TENM3: variants seen among roughly 807,000 people sequenced by gnomAD.
The protein encoded by TENM3 is teneurin-3.
Under a neutral mutation model 255.1 loss-of-function variants are expected in TENM3, and 63 were observed. That is an observed-to-expected ratio of 0.25 (90% CI 0.20 to 0.30). TENM3 has a LOEUF of 0.30. TENM3 is among the 10% of genes least tolerant of loss of function. TENM3 has a pLI of 1.00. For missense variants in TENM3, 2,929 were observed against 3,461.1 expected (o/e 0.85, Z 3.86); for synonymous variants, 1,306 against 1,322.3 (o/e 0.99, Z 0.27).
chr4:181,507,550 T>A, the TENM3 span, among the ~76,000 whole-genome samples: 4 of 152,264 alleles, frequency 2.6e-5, no homozygotes, highest in African/African-American at 9.6e-5. Context: ...TGACACCAAG[T>A]CATTTTTTAT....
intron 26 of TENM3, among the ~76,000 whole-genome samples, chr4:182,796,222 C>G (rs559097591): frequency 6.6e-5 from 10 of 152,350 alleles, no homozygotes; most frequent in African/African-American, 1.7e-4. Flanking sequence ...CTTGGGCAAT[C>G]GCTTTGGAGA....
At chr4:182,387,432 G>A (rs1200764672) in intron 3 of TENM3, among the ~76,000 whole-genome samples, 1 of 152,154 alleles carries the variant, frequency 6.6e-6, no homozygotes, top group East Asian at 1.9e-4. Context: ...TCAGCGCCCT[G>A]ACAAAATAGG....
chr4:182,287,309 C>A (rs1386028139), intron 1 of TENM3, among the ~76,000 whole-genome samples: 1 of 152,256 alleles, frequency 6.6e-6, no homozygotes, highest in Non-Finnish European at 1.5e-5. Flanking sequence ...CTCCATCACA[C>A]TCCACTTTCA....
rs149726519 is a variant in TENM3, at chr4:182,316,311, G to A, written c.-75-7635G>A. On this transcript the variant is annotated intron_variant, in intron 1 of 27. Transcript: ENST00000511685. The stretch of plus-strand genomic sequence containing the variant: ...TTTAGTTTACTGCTAATTATTCCCC[G>A]CAACTGAAGCAAGAACTTTCTGAGT... 5.8e-3 allele frequency among the ~76,000 whole-genome samples: 881 copies of A among 152,114 alleles called. 4 individuals carry two copies. The highest frequency in any genetic ancestry group is 9.6e-3 in the Non-Finnish European group (650 of 67,990).
chr4:181,550,493 A>C, the TENM3 span, among the ~76,000 whole-genome samples: 1 of 152,204 alleles, frequency 6.6e-6, no homozygotes, highest in Non-Finnish European at 1.5e-5. Flanking sequence ...GTATGAATTG[A>C]TGGTGGTCAA....
At position 182,694,786 on chromosome 4, in the gene TENM3, G is replaced by A. The variant is rs1757269311; in HGVS notation, c.2221+6435G>A. On this transcript the variant is annotated intron_variant, in intron 12 of 27. Transcript: ENST00000511685. ...AATTGAGAATGAAATGCACACAGCT[G>A]GGGAGGTATTTCGGAAACAAGATGG... 2.0e-5 allele frequency among the ~76,000 whole-genome samples: 3 copies of A among 152,294 alleles called. 1 individual carries two copies. In the South Asian group the frequency reaches 6.2e-4, roughly 32 times the overall value.
chr4:182,459,059 G>T (rs772731602), intron 3 of TENM3, among the ~76,000 whole-genome samples: 1 of 152,052 alleles, frequency 6.6e-6, no homozygotes, highest in Non-Finnish European at 1.5e-5. Flanking sequence ...GATAAAAATA[G>T]TTCTTGTTAT....
At chr4:181,557,912 G>A in the TENM3 span, among the ~76,000 whole-genome samples, 3 of 152,208 alleles carry the variant, frequency 2.0e-5, no homozygotes, top group Non-Finnish European at 2.9e-5. Flanking sequence ...AGGTAAAGAC[G>A]TTGTAGGAGA....
the TENM3 span, among the ~76,000 whole-genome samples, chr4:181,505,034 G>A: frequency 0.059 from 9,017 of 152,210 alleles, 408 homozygotes; most frequent in Non-Finnish European, 0.089. Flanking sequence ...CCAGGTGTGG[G>A]CCGGGCAGAT....
At chr4:181,467,331 C>T in the TENM3 span, among the ~76,000 whole-genome samples, 104,104 of 148,354 alleles carry the variant, frequency 0.7, 36,883 homozygotes, top group Non-Finnish European at 0.74. Flanking sequence ...GACGGGGTTT[C>T]GCCATGTTGC....
chr4:182,698,757 C>G (rs1757625909), intron 12 of TENM3, among the ~76,000 whole-genome samples: 1 of 152,224 alleles, frequency 6.6e-6, no homozygotes, highest in Admixed American at 6.5e-5. Context: ...AAAAGACAGG[C>G]AGCAGCATAG....
the TENM3 span, among the ~76,000 whole-genome samples, chr4:181,957,417 T>A: frequency 6.6e-6 from 1 of 152,144 alleles, no homozygotes; most frequent in Non-Finnish European, 1.5e-5. Context: ...CAAATCCCAG[T>A]GAAACGTGCA....
the TENM3 span, among the ~76,000 whole-genome samples, chr4:181,885,393 G>T: frequency 6.6e-6 from 1 of 152,142 alleles, no homozygotes; most frequent in Non-Finnish European, 1.5e-5. Flanking sequence ...CTCCCGAGTA[G>T]CTGGGATTGC....
chr4:181,741,176 T>C, the TENM3 span, among the ~76,000 whole-genome samples: 26 of 152,336 alleles, frequency 1.7e-4, no homozygotes, highest in African/African-American at 5.5e-4. Flanking sequence ...CACTGAAATA[T>C]CAATAATAAC....
the TENM3 span, among the ~76,000 whole-genome samples, chr4:181,615,511 T>C: frequency 0.025 from 3,812 of 152,232 alleles, 63 homozygotes; most frequent in Admixed American, 0.06. Flanking sequence ...CCATTTTTAT[T>C]AAGTATTTTC....
At chr4:182,010,764 A>C in the TENM3 span, among the ~76,000 whole-genome samples, 106,947 of 152,070 alleles carry the variant, frequency 0.7, 38,261 homozygotes, top group Non-Finnish European at 0.77. Context: ...TTAAAAACAA[A>C]AATAAAACCT....
the TENM3 span, among the ~76,000 whole-genome samples, chr4:182,114,699 C>G: frequency 6.6e-6 from 1 of 152,078 alleles, no homozygotes. Flanking sequence ...CAGGTGGGTA[C>G]TATTGGGCAA....
the TENM3 span, among the ~76,000 whole-genome samples, chr4:181,633,877 T>G: frequency 6.6e-6 from 1 of 152,244 alleles, no homozygotes; most frequent in Admixed American, 6.5e-5. Flanking sequence ...GGCAACAAAC[T>G]AATGTTCTTT....
the TENM3 span, among the ~76,000 whole-genome samples, chr4:181,470,123 A>AAAAAG: frequency 2.7e-5 from 4 of 149,714 alleles, no homozygotes; most frequent in East Asian, 4.0e-4. Flanking sequence ...AAAAAAAAAA[A>AAAAAG]AACATTATTC....
Sources: allele counts gnomAD v4.1 joint callset (sites outside exome capture counted in the v4.1 genomes callset), GRCh38; gene constraint gnomAD v4.1.1; transcripts MANE v1.5; gene names NCBI Gene and HGNC (gene_info 2026-07-23, HGNC 2026-07-21).